The following ASCC3 variants were observed in gnomAD, a reference collection of about 807,000 sequenced individuals.
The protein encoded by ASCC3 is activating signal cointegrator 1 complex subunit 3.
A neutral mutation model predicts 256.3 loss-of-function variants in ASCC3; 158 were observed. The ratio of observed to expected loss-of-function variants is 0.62; its 90% confidence interval spans 0.54 to 0.70. The LOEUF is 0.70. ASCC3 is among the 30% of genes least tolerant of loss of function. The pLI is 0.00. For missense variants in ASCC3, 2,259 were observed against 2,626.0 expected, an observed-to-expected ratio of 0.86 and a Z score of 3.05; for synonymous variants, 948 against 883.4, an observed-to-expected ratio of 1.07 and a Z score of -1.30.
rs1293706740 is a variant in ASCC3 at position 100,746,390 on chromosome 6, AAT to A, written c.1737+20173_1737+20174del. On this transcript the variant is annotated intron_variant, in intron 10 of 41. Coordinates refer to ENST00000369162, the MANE Select transcript of ASCC3 (RefSeq NM_006828.4). ...GTCTATTAATTTTTCTGTTAAAAAG[AAT>A]ATGCATTGAAATGAGATGGAAAACA... Among the ~76,000 whole-genome samples, 33 of 152,238 alleles carry A rather than the reference AAT, an allele frequency of 2.2e-4. 3 individuals are homozygous for A. The highest frequency in any genetic ancestry group is 1.9e-3 in the Admixed American group (29 of 15,290).
chr6:100,597,983 A>G (rs1054612598), intron 34 of ASCC3, among the ~76,000 whole-genome samples: 6 of 151,570 alleles, frequency 4.0e-5, no homozygotes, highest in African/African-American at 1.5e-4. Flanking sequence ...CAAAAAAAAA[A>G]AAAAAAAAAA....
chr6:100,791,949 T>G (rs113445283), intron 8 of ASCC3, among the ~76,000 whole-genome samples: 2 of 151,894 alleles, frequency 1.3e-5, no homozygotes, highest in Admixed American at 1.3e-4. Flanking sequence ...AAAATGAGGA[T>G]AGCAGAATAG....
At chr6:100,638,906 T>C in intron 24 of ASCC3, 85 bp from the exon 25 acceptor site, 1 of 1,125,380 alleles carries the variant, frequency 8.9e-7, no homozygotes, top group Non-Finnish European at 1.3e-6. Context: ...TAGATTATAG[T>C]AATCCTTAGT....
intron 8 of ASCC3, among the ~76,000 whole-genome samples, chr6:100,790,704 G>T (rs1270774798): frequency 1.3e-5 from 2 of 151,920 alleles, no homozygotes; most frequent in Non-Finnish European, 2.9e-5. Context: ...ATGTCTTTAA[G>T]TTTTTAATCT....
intron 4 of ASCC3, among the ~76,000 whole-genome samples, chr6:100,821,552 G>A (rs1771043564): frequency 6.6e-6 from 1 of 152,142 alleles, no homozygotes; most frequent in South Asian, 2.1e-4. Flanking sequence ...TAGGCAGGGC[G>A]TGGTCATTCA....
intron 10 of ASCC3, among the ~76,000 whole-genome samples, chr6:100,737,341 T>G (rs1164206432): frequency 6.6e-6 from 1 of 151,980 alleles, no homozygotes; most frequent in East Asian, 1.9e-4. Context: ...CCTTACATAT[T>G]AAGCCCAGCA....
chr6:100,546,008 A>G (rs1404719351), intron 36 of ASCC3, among the ~76,000 whole-genome samples: 1 of 152,208 alleles, frequency 6.6e-6, no homozygotes, highest in Non-Finnish European at 1.5e-5. Context: ...AGTTGACATG[A>G]CCATCAATGT....
chr6:100,799,316 A>C, intron 7 of ASCC3, 115 bp downstream of exon 7: 1 of 1,191,832 alleles, frequency 8.4e-7, no homozygotes, highest in Non-Finnish European at 1.2e-6. Flanking sequence ...ATACTTTAAA[A>C]TAAAATTTAG....
intron 13 of ASCC3, among the ~76,000 whole-genome samples, chr6:100,683,243 C>T (rs1425274983): frequency 6.6e-6 from 1 of 152,026 alleles, no homozygotes; most frequent in East Asian, 1.9e-4. Context: ...TTCTATTCTC[C>T]ATAATTCAAA....
chr6:100,644,871 C>A, intron 22 of ASCC3, among the ~76,000 whole-genome samples: 1 of 152,078 alleles, frequency 6.6e-6, no homozygotes, highest in East Asian at 1.9e-4. Context: ...TTAATGCAAA[C>A]AAAAAATCCT....
At chr6:100,672,269 G>A (rs978706779) in intron 14 of ASCC3, among the ~76,000 whole-genome samples, 2 of 151,838 alleles carry the variant, frequency 1.3e-5, no homozygotes, top group African/African-American at 4.8e-5. Context: ...AAGCGTAAAG[G>A]GATGACTACT....
At chr6:100,753,895 A>C (rs1261321908) in intron 10 of ASCC3, among the ~76,000 whole-genome samples, 2 of 152,182 alleles carry the variant, frequency 1.3e-5, no homozygotes. Flanking sequence ...AATTTGCTTT[A>C]CTAATTTCAA....
intron 4 of ASCC3, among the ~76,000 whole-genome samples, chr6:100,846,999 T>C (rs745700766): frequency 1.3e-4 from 20 of 152,040 alleles, no homozygotes; most frequent in Non-Finnish European, 2.4e-4. Flanking sequence ...ACAATAAATA[T>C]ATGACAAATG....
rs369128707 is a variant in ASCC3, at chr6:100,650,736, T to C, written c.3076-22A>G. ...TGACCTAGAAGAATCAATGTATTTA[T>C]TGGAATTTTGGGGCTGATTTATTTA... On this transcript the variant is annotated intron_variant, in intron 19 of 41. Transcript: ENST00000369162. The C allele has an allele frequency of 2.3e-5, 37 of 1,578,070 alleles. No individual in the cohort carries two copies. In the African/African-American group the frequency reaches 4.4e-4, roughly 19 times the overall value.
At chr6:100,602,457 G>T (rs1326507365) in intron 33 of ASCC3, among the ~76,000 whole-genome samples, 1 of 151,510 alleles carries the variant, frequency 6.6e-6, no homozygotes, top group East Asian at 1.9e-4. Flanking sequence ...ATAAATACAA[G>T]CTGACAAAAA....
rs1055750673 is a variant in ASCC3, at chr6:100,784,959, T to C, written c.1395+13754A>G. ...TAACCCTCTTTTTCATTCTGTAATATAGAGTCCTACATCTTTACAAACACC... is the reference window on the plus strand; with the variant it reads ...TAACCCTCTTTTTCATTCTGTAATACAGAGTCCTACATCTTTACAAACACC... On this transcript the variant is annotated intron_variant, in intron 8 of 41. Coordinates refer to ENST00000369162, the MANE Select transcript of ASCC3 (RefSeq NM_006828.4). Among the ~76,000 whole-genome samples the C allele has an allele frequency of 6.6e-5, 10 of 152,216 alleles. 1 individual carries two copies. The South Asian group carries it at 1.7e-3, about 25-fold the overall frequency.
chr6:100,872,598 G>A (rs1773800273), intron 1 of ASCC3, among the ~76,000 whole-genome samples: 1 of 152,086 alleles, frequency 6.6e-6, no homozygotes, highest in Non-Finnish European at 1.5e-5. Flanking sequence ...GGAAAGCCAA[G>A]AGAACCCACA....
At position 100,638,782 on chromosome 6, in the gene ASCC3, C is replaced by T. The variant is rs1774970090; in HGVS notation, c.3941G>A (p.Gly1314Glu). ...GTACAGGGCTTCATATGCTTTACAT[C>T]CCAAAGCTGTGATTGGTAAAGGCTG... ...DLQPLPITAL[G>E]CKAYEALYNF... is the part of the protein sequence containing the mutation. The change falls in exon 25 of 42, where the codon GGA becomes GAA. Residue 1314 changes from glycine (G) to glutamate (E), a missense_variant. Around this residue, in one of 2 missense-constraint regions of ASCC3, gnomAD observed 1,839 missense variants for 2,206.7 expected, o/e 0.83. Transcript: ENST00000369162. 1 of 1,614,080 alleles carries T rather than the reference C, an allele frequency of 6.2e-7. No homozygotes were observed. Among genetic ancestry groups the T allele is most frequent in the East Asian group, 2.2e-5 (1 of 44,860 alleles).
chr6:100,839,694 T>C (rs1032163483), intron 4 of ASCC3, among the ~76,000 whole-genome samples: 3 of 152,140 alleles, frequency 2.0e-5, no homozygotes, highest in East Asian at 1.9e-4. Context: ...ACTTTGAAAA[T>C]TGAAAAGGTT....
Sources: allele counts gnomAD v4.1 joint callset (sites outside exome capture counted in the v4.1 genomes callset), GRCh38; gene constraint gnomAD v4.1.1; regional missense constraint gnomAD v4.1.1; transcripts MANE v1.5; gene names NCBI Gene and HGNC (gene_info 2026-07-23, HGNC 2026-07-21).